TCTN3: variants seen among roughly 807,000 people sequenced by gnomAD.
TCTN3 encodes tectonic-3.
Under a neutral mutation model 71.3 loss-of-function variants are expected in TCTN3, and 57 were observed. That is an observed-to-expected ratio of 0.80 (90% confidence interval 0.65 to 1.00). The LOEUF is 1.00. TCTN3 is among the 50% of genes least tolerant of loss of function. The pLI, the probability that TCTN3 is intolerant of heterozygous loss-of-function variation, is 0.00. For synonymous variants in TCTN3, 258 were observed against 267.8 expected, an observed-to-expected ratio of 0.96 and a Z score of 0.36; for missense variants, 696 against 719.9, an observed-to-expected ratio of 0.97 and a Z score of 0.38.
chr10:95,672,881 T>C (rs1214032232), intron 13 of TCTN3, among the ~76,000 whole-genome samples: 1 of 151,744 alleles, frequency 6.6e-6, no homozygotes, highest in East Asian at 1.9e-4. Flanking sequence ...TTAGTAGAGA[T>C]GGAGTTTCAC....
chr10:95,674,832 A>G (rs1479229020), intron 13 of TCTN3, among the ~76,000 whole-genome samples: 1 of 152,022 alleles, frequency 6.6e-6, no homozygotes, highest in Non-Finnish European at 1.5e-5. Flanking sequence ...AGAATGAATG[A>G]ATGAATGAAT....
intron 13 of TCTN3, among the ~76,000 whole-genome samples, chr10:95,666,727 T>C (rs1343597114): frequency 6.6e-6 from 1 of 152,220 alleles, no homozygotes; most frequent in Non-Finnish European, 1.5e-5. Context: ...TAGAAGTTGA[T>C]TGAATCAATG....
chr10:95,687,324 T>C lies in TCTN3; in HGVS notation c.659A>G (p.Lys220Arg), dbSNP rs370477941. 13 of 1,613,930 alleles carry C rather than the reference T, an allele frequency of 8.1e-6. No homozygotes were observed. Among genetic ancestry groups the C allele is most frequent in the African/African-American group, 5.3e-5 (4 of 74,928 alleles). ...TCTCAGCAAGCTTATTACAGACCAC[T>C]TGGGGAAGTAAGTAAGAATGGGGTC... is the stretch of plus-strand genomic sequence containing the variant. ...AGDPILTYFP[K>R]WSVISLLRQP... The change falls in exon 5 of 14, where the codon AAG becomes AGG. Residue 220 changes from lysine to arginine, a missense_variant. Physicochemically the swap from Lys to Arg is conservative, Grantham distance 26. Transcript: ENST00000371217.
chr10:95,686,229 C>CA (rs1164448546), intron 7 of TCTN3, among the ~76,000 whole-genome samples: 1 of 152,086 alleles, frequency 6.6e-6, no homozygotes, highest in African/African-American at 2.4e-5. Context: ...CCCTGTCTCT[C>CA]AAAAAAATTA....
Position 95,687,678 on chromosome 10 carries a change from T to C in TCTN3, c.541A>G (p.Thr181Ala). The C allele has an allele frequency of 6.2e-7, 1 of 1,614,156 alleles. No individual in the cohort carries two copies. The highest frequency in any genetic ancestry group is 2.2e-5 in the East Asian group (1 of 44,884). ...TCTGCAGCCAGGGCCTGGAAGTTGG[T>C]TGCATTGACCTTTTGAAGCTTCTGG... ...YFQKLQKVNA[T>A]NFQALAAEFG... is the part of the protein sequence containing the mutation. Residue 181 changes from threonine (T) to alanine (A), a missense_variant, in exon 4 of 14, where the codon ACC (threonine) becomes GCC (alanine). Physicochemically the swap from Thr to Ala is moderately conservative, Grantham distance 58 (BLOSUM62 0). Transcript: ENST00000371217.
Position 95,683,093 on chromosome 10 carries a change from A to G in TCTN3, c.1298+8T>C, listed in dbSNP as rs2097944678. ...ATTGCAGGAAATGATGCGGAAGCAA[A>G]GAACTACCTGAGCTTGCATCCAGAT... is the stretch of plus-strand genomic sequence containing the variant. On this transcript the variant is annotated splice_region_variant and intron_variant, in intron 11 of 13. Coordinates refer to ENST00000371217, the MANE Select transcript of TCTN3 (RefSeq NM_015631.6). The G allele has an allele frequency of 5.0e-6, 8 of 1,610,808 alleles. No homozygotes were observed. The highest frequency in any genetic ancestry group is 6.8e-6 in the Non-Finnish European group (8 of 1,177,796).
chr10:95,687,496 C>A, intron 4 of TCTN3, 96 bp downstream of exon 4: 2 of 1,562,158 alleles, frequency 1.3e-6, no homozygotes, highest in Non-Finnish European at 1.7e-6. Context: ...AATGGTTTAG[C>A]TAGCTGCAGG....
intron 13 of TCTN3, among the ~76,000 whole-genome samples, chr10:95,668,738 G>A (rs868311061): frequency 6.6e-6 from 1 of 152,116 alleles, no homozygotes; most frequent in Non-Finnish European, 1.5e-5. Context: ...GTGAATCTAA[G>A]ACAAGTAAGA....
In TCTN3 at chr10:95,693,754, G is replaced by A. The variant is rs1389757265; in HGVS notation, c.146C>T (p.Ser49Phe). Residue 49 changes from serine to phenylalanine, a missense_variant, in exon 1 of 14, where the codon TCC (serine) becomes TTC (phenylalanine). Coordinates refer to ENST00000371217, the MANE Select transcript of TCTN3 (RefSeq NM_015631.6). ...QRGTDGGTLQSPSEATATRPA... is the reference protein window; with the variant it reads ...QRGTDGGTLQFPSEATATRPA... ...GCGAGTTGCAGTCGCCTCTGAAGGG[G>A]ACTGGAGGGTTCCGCCATCCGTCCC... 2 of 1,551,704 alleles carry A rather than the reference G, an allele frequency of 1.3e-6. No homozygotes were observed. Among genetic ancestry groups the A allele is most frequent in the Non-Finnish European group, 8.7e-7 (1 of 1,147,004 alleles).
intron 13 of TCTN3, among the ~76,000 whole-genome samples, chr10:95,670,061 C>CA (rs34609339): frequency 0.043 from 3,460 of 80,730 alleles, 138 homozygotes; most frequent in South Asian, 0.074. Flanking sequence ...GACTCCGTCT[C>CA]AAAAAAAAAA....
chr10:95,684,371 C>A, intron 9 of TCTN3, 128 bp downstream of exon 9: 1 of 1,194,560 alleles, frequency 8.4e-7, no homozygotes, highest in Admixed American at 2.9e-5. Flanking sequence ...ATGTTGAGGC[C>A]TCAATCGACA....
At chr10:95,692,618 A>G (rs2097954579) in intron 3 of TCTN3, among the ~76,000 whole-genome samples, 1 of 152,270 alleles carries the variant, frequency 6.6e-6, no homozygotes, top group Admixed American at 6.5e-5. Flanking sequence ...AATGGAAAAA[A>G]GGCCAGAATA....
chr10:95,672,276 G>A (rs556399159), intron 13 of TCTN3, among the ~76,000 whole-genome samples: 11 of 144,406 alleles, frequency 7.6e-5, no homozygotes, highest in African/African-American at 2.0e-4. Context: ...TCCATTGTGC[G>A]AATATATCAT....
intron 13 of TCTN3, among the ~76,000 whole-genome samples, chr10:95,668,207 A>G (rs1459540441): frequency 6.6e-6 from 1 of 151,702 alleles, no homozygotes; most frequent in Non-Finnish European, 1.5e-5. Flanking sequence ...AGAGAAAAGA[A>G]AAATAGAGAT....
chr10:95,680,083 C>T (rs987371344), intron 13 of TCTN3, among the ~76,000 whole-genome samples: 2 of 152,108 alleles, frequency 1.3e-5, no homozygotes, highest in African/African-American at 4.8e-5. Context: ...CTAGTCACAG[C>T]GGTAACTTTA....
intron 13 of TCTN3, among the ~76,000 whole-genome samples, chr10:95,674,927 G>A (rs1425411428): frequency 6.6e-6 from 1 of 151,892 alleles, no homozygotes; most frequent in Admixed American, 6.6e-5. Context: ...TTTCCTTAGG[G>A]ATAAACATAT....
intron 13 of TCTN3, among the ~76,000 whole-genome samples, chr10:95,677,490 T>TGTTTG (rs1566068621): frequency 1.4e-5 from 2 of 147,986 alleles, no homozygotes; most frequent in African/African-American, 4.9e-5. Flanking sequence ...TTTGTTTTTT[T>TGTTTG]TTTTTTTTTT....
At chr10:95,667,551 A>C (rs1267874928) in intron 13 of TCTN3, among the ~76,000 whole-genome samples, 1 of 152,202 alleles carries the variant, frequency 6.6e-6, no homozygotes, top group East Asian at 1.9e-4. Context: ...CCTTCAATGC[A>C]ATCAGGCAAC....
chr10:95,679,633 C>A (rs1257391214), intron 13 of TCTN3, among the ~76,000 whole-genome samples: 4 of 145,918 alleles, frequency 2.7e-5, no homozygotes, highest in African/African-American at 1.0e-4. Context: ...GCTCTGTCGC[C>A]CAGGCTGGAG....
Sources: allele counts gnomAD v4.1 joint callset (sites outside exome capture counted in the v4.1 genomes callset), GRCh38; gene constraint gnomAD v4.1.1; transcripts MANE v1.5; gene names NCBI Gene and HGNC (gene_info 2026-07-23, HGNC 2026-07-21).